The following PEX5L variants were observed in gnomAD, a reference collection of about 807,000 sequenced individuals.
The protein encoded by PEX5L is peroxisomal biogenesis factor 5 like.
Under a neutral mutation model 84.0 loss-of-function variants are expected in PEX5L, and 30 were observed. The observed-to-expected ratio is 0.36, with a 90% CI of 0.27 to 0.48. PEX5L has a LOEUF of 0.48. Among genes scored for constraint, PEX5L ranks in the 20% least tolerant of loss-of-function variants. The pLI, the probability that PEX5L is intolerant of heterozygous loss-of-function variation, is 0.99. For missense variants in PEX5L, 533 were observed against 754.6 expected (o/e 0.71, Z 3.44); for synonymous variants, 270 against 283.1 (o/e 0.95, Z 0.46).
intron 2 of PEX5L, among the ~76,000 whole-genome samples, chr3:179,927,365 T>C (rs1432389874): frequency 1.3e-5 from 2 of 152,158 alleles, no homozygotes; most frequent in East Asian, 3.9e-4. Flanking sequence ...TTGGGAGTCC[T>C]GCCAGTGTAA....
At position 179,954,498 on chromosome 3, in the gene PEX5L, G is replaced by A. The variant is rs757781985; in HGVS notation, c.93+17096C>T. Among the ~76,000 whole-genome samples, 11 of 152,272 alleles carry A rather than the reference G, an allele frequency of 7.2e-5. No homozygotes were observed. The East Asian group carries it at 1.7e-3, about 24-fold the overall frequency. ...AACTGGCAAGTGGCAGCAGGTGACCGGCAGGGGATTTCTGGGACCTTTTTT... is the reference window on the plus strand; with the variant it reads ...AACTGGCAAGTGGCAGCAGGTGACCAGCAGGGGATTTCTGGGACCTTTTTT... On this transcript the variant is annotated intron_variant, in intron 2 of 14. Transcript: ENST00000467460.
At chr3:179,890,710 C>T (rs937228917) in intron 3 of PEX5L, among the ~76,000 whole-genome samples, 2 of 152,028 alleles carry the variant, frequency 1.3e-5, no homozygotes, top group African/African-American at 2.4e-5. Flanking sequence ...AGAGTTTATC[C>T]CTAAATCACA....
intron 2 of PEX5L, among the ~76,000 whole-genome samples, chr3:179,910,658 C>T (rs1215458911): frequency 6.6e-6 from 1 of 152,202 alleles, no homozygotes; most frequent in African/African-American, 2.4e-5. Flanking sequence ...CTGTCAGACA[C>T]AGCCTGACTC....
chr3:179,838,117 A>C (rs1426747077), intron 8 of PEX5L, among the ~76,000 whole-genome samples: 2 of 152,200 alleles, frequency 1.3e-5, no homozygotes, highest in African/African-American at 4.8e-5. Flanking sequence ...TTCTTTCAAG[A>C]ATAATCTTAA....
chr3:180,032,643 C>T (rs1791562735), intron 1 of PEX5L, among the ~76,000 whole-genome samples: 1 of 152,220 alleles, frequency 6.6e-6, no homozygotes, highest in Admixed American at 6.5e-5. Flanking sequence ...CGCTTCAACT[C>T]AGGAGTTCAA....
intron 2 of PEX5L, among the ~76,000 whole-genome samples, chr3:179,907,320 C>A (rs953983296): frequency 6.6e-6 from 1 of 150,494 alleles, no homozygotes; most frequent in Admixed American, 6.6e-5. Flanking sequence ...CCTTTTTTTT[C>A]TTTGTTTTAG....
chr3:180,024,803 G>A (rs1415409935), intron 1 of PEX5L, among the ~76,000 whole-genome samples: 4 of 152,142 alleles, frequency 2.6e-5, no homozygotes, highest in Non-Finnish European at 4.4e-5. Context: ...TCCGACAGCA[G>A]TTCCGACATC....
rs752775741 is a variant in PEX5L at position 179,971,650 on chromosome 3, C to G, written c.37G>C (p.Gly13Arg). 6.2e-7 allele frequency: 1 copy of G among 1,603,678 alleles called. No individual in the cohort carries two copies. Among genetic ancestry groups the G allele is most frequent in the Non-Finnish European group, 8.5e-7 (1 of 1,175,490 alleles). ...QGHMQKSKEQGYGKLSSDEDL... is the reference protein window; with the variant it reads ...QGHMQKSKEQRYGKLSSDEDL... The stretch of plus-strand genomic sequence containing the variant: ...TCATCACTGCTTAGTTTTCCATATC[C>G]TTGTTCTTTACTTTTCTTGTGAAAG... The change falls in exon 2 of 15, where the codon GGA becomes CGA. Residue 13 changes from glycine (G) to arginine (R), a missense_variant. By Grantham distance (125) the Gly-to-Arg change is moderately radical (BLOSUM62 -2). Coordinates refer to ENST00000467460, the MANE Select transcript of PEX5L (RefSeq NM_016559.3).
chr3:180,033,672 C>T (rs1173647111), intron 1 of PEX5L, among the ~76,000 whole-genome samples: 1 of 152,094 alleles, frequency 6.6e-6, no homozygotes, highest in Non-Finnish European at 1.5e-5. Flanking sequence ...AGAACCGATG[C>T]TAAAGTATAT....
chr3:179,918,233 G>T (rs992296262), intron 2 of PEX5L, among the ~76,000 whole-genome samples: 1 of 152,112 alleles, frequency 6.6e-6, no homozygotes, highest in Non-Finnish European at 1.5e-5. Context: ...CTCTACTATC[G>T]CTAGGTTCTA....
intron 3 of PEX5L, among the ~76,000 whole-genome samples, chr3:179,894,998 G>A (rs1192061999): frequency 6.6e-6 from 1 of 151,882 alleles, no homozygotes; most frequent in South Asian, 2.1e-4. Context: ...TCTGGCAAAC[G>A]GCTTTCCCTT....
chr3:179,880,307 ATAGTTGG>A (rs1299478730), intron 4 of PEX5L, among the ~76,000 whole-genome samples, 184 bp from the exon 5 acceptor site: 4 of 152,236 alleles, frequency 2.6e-5, no homozygotes, highest in Non-Finnish European at 5.9e-5. Context: ...TGTTATTCTT[ATAGTTGG>A]TATGGCACAA....
chr3:179,910,732 G>A (rs1359686808), intron 2 of PEX5L, among the ~76,000 whole-genome samples: 3 of 152,200 alleles, frequency 2.0e-5, no homozygotes, highest in Non-Finnish European at 4.4e-5. Context: ...AGATGAGTTA[G>A]AACCCTGGGA....
chr3:179,933,131 C>T (rs1375790357), intron 2 of PEX5L, among the ~76,000 whole-genome samples: 1 of 152,198 alleles, frequency 6.6e-6, no homozygotes, highest in Non-Finnish European at 1.5e-5. Context: ...TGCACCCGGC[C>T]TATTTCAGTT....
chr3:179,843,346 G>C (rs1025747225), intron 8 of PEX5L, among the ~76,000 whole-genome samples: 5 of 152,186 alleles, frequency 3.3e-5, no homozygotes, highest in Non-Finnish European at 5.9e-5. Context: ...TGGGACACAG[G>C]CATCAAGATT....
chr3:179,867,614 A>T (rs567161045), intron 7 of PEX5L, among the ~76,000 whole-genome samples: 1 of 152,284 alleles, frequency 6.6e-6, no homozygotes, highest in Non-Finnish European at 1.5e-5. Context: ...AGTGTATCTA[A>T]TAGTTTCTGT....
chr3:179,930,403 G>A (rs919366365), intron 2 of PEX5L, among the ~76,000 whole-genome samples: 1 of 152,272 alleles, frequency 6.6e-6, no homozygotes, highest in South Asian at 2.1e-4. Context: ...CTGGGATGCT[G>A]ATATCACCCA....
chr3:179,901,221 ACTTC>A (rs1298073897), intron 2 of PEX5L, among the ~76,000 whole-genome samples: 3 of 82,026 alleles, frequency 3.7e-5, no homozygotes, highest in African/African-American at 1.5e-4. Context: ...AATTGTTCAG[ACTTC>A]AGACTCAATT....
At position 179,824,211 on chromosome 3, in the gene PEX5L, A is replaced by T. The variant is rs552085509; in HGVS notation, c.823-4235T>A. ...TAGAGCTACTTTTGATTTTGTGGTCAAATGTAATTGTCAGTTAGAAAGATC... is the reference window on the plus strand; with the variant it reads ...TAGAGCTACTTTTGATTTTGTGGTCTAATGTAATTGTCAGTTAGAAAGATC... On this transcript the variant is annotated intron_variant, in intron 8 of 14. Transcript: ENST00000467460. Among the ~76,000 whole-genome samples the T allele has an allele frequency of 1.9e-3, 291 of 152,318 alleles. 2 individuals are homozygous for T. The highest frequency in any genetic ancestry group is 6.7e-3 in the African/African-American group (280 of 41,576).
Sources: gnomAD v4.1 joint callset for allele counts (sites outside exome capture counted in the v4.1 genomes callset) on GRCh38, gnomAD v4.1.1 for gene constraint, MANE v1.5 for transcripts, NCBI Gene and HGNC (gene_info 2026-07-23, HGNC 2026-07-21) for gene names.